Variants in ZNF679 observed in about 807,000 individuals in gnomAD.
The protein encoded by ZNF679 is hypothetical protein MGC42415.
ZNF679 carries 10 observed loss-of-function variants against 13.4 expected under a neutral mutation model. The observed-to-expected ratio is 0.75, with a 90% CI of 0.46 to 1.27. The LOEUF (loss-of-function observed/expected upper bound fraction) is 1.27. Ranked by LOEUF, ZNF679 falls within the 50% of genes most tolerant of loss-of-function variation. The pLI is 0.00. For missense variants in ZNF679, 525 were observed against 477.8 expected, an observed-to-expected ratio of 1.10 and a Z score of -0.92; for synonymous variants, 179 against 162.5, an observed-to-expected ratio of 1.10 and a Z score of -0.77.
At chr7:64,262,282 C>T (rs2115610011) in intron 4 of ZNF679, among the ~76,000 whole-genome samples, 1 of 152,288 alleles carries the variant, frequency 6.6e-6, no homozygotes, top group Non-Finnish European at 1.5e-5. Context: ...TCTTGGGTGG[C>T]ACTGTCACAC....
At chr7:64,258,560 G>A (rs1160371657) in intron 2 of ZNF679, among the ~76,000 whole-genome samples, 2 of 151,916 alleles carry the variant, frequency 1.3e-5, no homozygotes, top group African/African-American at 2.4e-5. Flanking sequence ...AATCAGCCGG[G>A]CGTGGTGGCA....
At position 64,266,858 on chromosome 7, in the gene ZNF679, A is replaced by C; in HGVS notation, c.1225A>C (p.Lys409Gln). 1 of 1,569,516 alleles carries C rather than the reference A, an allele frequency of 6.4e-7. No homozygotes were observed. ...KSMHTGEKPY[K>Q]CE is the part of the protein sequence containing the mutation. Reference sequence around the variant, plus strand: ...TATGCATACTGGAGAGAAACCCTACAAATGTGAATAATGTGATAAAGTCCA... The same window carrying C: ...TATGCATACTGGAGAGAAACCCTACCAATGTGAATAATGTGATAAAGTCCA... The change falls in exon 5 of 5, where the codon AAA (lysine) becomes CAA (glutamine). Residue 409 changes from lysine to glutamine, a missense_variant. Coordinates refer to ENST00000421025, the MANE Select transcript of ZNF679 (RefSeq NM_153363.3).
Position 64,249,113 on chromosome 7 carries a change from G to C in ZNF679, c.-5G>C, listed in dbSNP as rs1365419314. 1 of 1,614,142 alleles carries C rather than the reference G, an allele frequency of 6.2e-7. No individual in the cohort carries two copies. The highest frequency in any genetic ancestry group is 8.5e-7 in the Non-Finnish European group (1 of 1,180,012). ...GCCTTGTGTTCTGCAGGTATCCGCAGATTTATGGCTAAAAGACCGGGATCC... is the reference window on the plus strand; with the variant it reads ...GCCTTGTGTTCTGCAGGTATCCGCACATTTATGGCTAAAAGACCGGGATCC... On this transcript the variant is annotated 5_prime_UTR_variant, in exon 2 of 5. Coordinates refer to ENST00000421025, the MANE Select transcript of ZNF679 (RefSeq NM_153363.3).
At chr7:64,236,448 G>A (rs555561830) in intron 1 of ZNF679, among the ~76,000 whole-genome samples, 1 of 148,068 alleles carries the variant, frequency 6.8e-6, no homozygotes. Flanking sequence ...GAGCGTTTGT[G>A]GGGGGAAAAA....
intron 1 of ZNF679, among the ~76,000 whole-genome samples, chr7:64,241,394 C>T (rs1272432556): frequency 6.6e-6 from 1 of 152,200 alleles, no homozygotes; most frequent in African/African-American, 2.4e-5. Flanking sequence ...ACAATTGCCA[C>T]TTTGGGCAGA....
At chr7:64,232,415 A>G (rs879805039) in intron 1 of ZNF679, among the ~76,000 whole-genome samples, 2 of 152,206 alleles carry the variant, frequency 1.3e-5, no homozygotes, top group African/African-American at 2.4e-5. Flanking sequence ...CCTAACTACA[A>G]TTAAAATCTC....
At chr7:64,241,388 T>C (rs186167458) in intron 1 of ZNF679, among the ~76,000 whole-genome samples, 16 of 152,228 alleles carry the variant, frequency 1.1e-4, no homozygotes, top group African/African-American at 3.8e-4. Flanking sequence ...TATGTCACAA[T>C]TGCCACTTTG....
chr7:64,251,423 C>T (rs1787943117), intron 2 of ZNF679, among the ~76,000 whole-genome samples: 2 of 152,002 alleles, frequency 1.3e-5, no homozygotes, highest in South Asian at 4.1e-4. Flanking sequence ...CAGTGCACTC[C>T]AGCCTTGACA....
chr7:64,237,412 G>A (rs1787741712), intron 1 of ZNF679, among the ~76,000 whole-genome samples: 1 of 152,150 alleles, frequency 6.6e-6, no homozygotes, highest in African/African-American at 2.4e-5. Context: ...CCTCAGAACT[G>A]CTTTCCTTTG....
rs560586379 is a variant in ZNF679, at chr7:64,259,470, A to G, written c.40-751A>G. 2.6e-5 allele frequency among the ~76,000 whole-genome samples: 4 copies of G among 152,318 alleles called. No individual in the cohort carries two copies. In the East Asian group the frequency reaches 5.8e-4, roughly 22 times the overall value. Reference sequence around the variant, plus strand: ...AGAACAGGATTTAGAAAATGCTAACATAAACAGGATGGCACTTATTACCCA... The same window carrying G: ...AGAACAGGATTTAGAAAATGCTAACGTAAACAGGATGGCACTTATTACCCA... On this transcript the variant is annotated intron_variant, in intron 2 of 4. Coordinates refer to ENST00000421025, the MANE Select transcript of ZNF679 (RefSeq NM_153363.3).
chr7:64,230,406 G>C (rs571277548), intron 1 of ZNF679, among the ~76,000 whole-genome samples: 1 of 151,906 alleles, frequency 6.6e-6, no homozygotes, highest in African/African-American at 2.4e-5. Context: ...GGTGGCGGGC[G>C]CCTGTAGTCC....
Position 64,266,652 on chromosome 7 carries a change from A to C in ZNF679, c.1019A>C (p.Lys340Thr). The change falls in exon 5 of 5, where the codon AAG (lysine) becomes ACG (threonine). Residue 340 changes from lysine (K) to threonine (T), a missense_variant. Lys to Thr is a moderately conservative substitution (Grantham distance 78). Coordinates refer to ENST00000421025, the MANE Select transcript of ZNF679 (RefSeq NM_153363.3). ...GKAFNCSSTL[K>T]KHKIIHTGEK... ...GCCTTTAACTGCTCCTCAACCCTTA[A>C]GAAACATAAGATAATTCATACTGGA... 6.2e-7 allele frequency: 1 copy of C among 1,610,354 alleles called. No homozygotes were observed. The highest frequency in any genetic ancestry group is 8.5e-7 in the Non-Finnish European group (1 of 1,176,944).
intron 1 of ZNF679, among the ~76,000 whole-genome samples, chr7:64,247,581 C>CAG (rs111819162): frequency 0.29 from 43,647 of 151,828 alleles, 7,012 homozygotes; most frequent in East Asian, 0.48. Flanking sequence ...TATTTTGAGA[C>CAG]AGTCGCTCTG....
At chr7:64,251,070 AT>A (rs1211407427) in intron 2 of ZNF679, among the ~76,000 whole-genome samples, 7 of 152,086 alleles carry the variant, frequency 4.6e-5, no homozygotes, top group African/African-American at 1.4e-4. Flanking sequence ...TACACTAATT[AT>A]TTTTTTAAAA....
chr7:64,238,808 C>T (rs1242763181), intron 1 of ZNF679, among the ~76,000 whole-genome samples: 3 of 152,290 alleles, frequency 2.0e-5, no homozygotes, highest in Middle Eastern at 3.4e-3. Context: ...TCAAAACCCT[C>T]CTCCCATCTT....
At chr7:64,262,215 T>C (rs1167278837) in intron 4 of ZNF679, among the ~76,000 whole-genome samples, 1 of 152,218 alleles carries the variant, frequency 6.6e-6, no homozygotes, top group Admixed American at 6.5e-5. Flanking sequence ...AGGAGTTGTT[T>C]ATAAATTCTC....
chr7:64,259,759 C>T (rs996409553), intron 2 of ZNF679, among the ~76,000 whole-genome samples: 3 of 151,986 alleles, frequency 2.0e-5, no homozygotes, highest in African/African-American at 7.2e-5. Context: ...GAAACCCCAT[C>T]TCTACTAAAA....
chr7:64,250,265 G>GTTTTTTTT (rs11434714), intron 2 of ZNF679, among the ~76,000 whole-genome samples: 4 of 91,312 alleles, frequency 4.4e-5, no homozygotes, highest in Admixed American at 1.6e-4. Context: ...CTTTCCCTTG[G>GTTTTTTTT]TTTTTTTTTT....
At chr7:64,264,475 AT>A (rs1337519237) in intron 4 of ZNF679, among the ~76,000 whole-genome samples, 1 of 151,978 alleles carries the variant, frequency 6.6e-6, no homozygotes, top group Non-Finnish European at 1.5e-5. Flanking sequence ...AAAGTTATAT[AT>A]TTTCATATGA....
Sources: gnomAD v4.1 joint callset for allele counts (sites outside exome capture counted in the v4.1 genomes callset) on GRCh38, gnomAD v4.1.1 for gene constraint, MANE v1.5 for transcripts, NCBI Gene and HGNC (gene_info 2026-07-23, HGNC 2026-07-21) for gene names.